The following KRT6B variants were observed in gnomAD, a reference collection of about 807,000 sequenced individuals.
The protein encoded by KRT6B is keratin 6B, also known as keratin, type II cytoskeletal 6B.
Under a neutral mutation model 44.7 loss-of-function variants are expected in KRT6B, and 29 were observed. The observed-to-expected ratio is 0.65, with a 90% CI of 0.48 to 0.88. The LOEUF (loss-of-function observed/expected upper bound fraction) is 0.88, where lower values mean the gene tolerates loss of function less well. KRT6B is among the 40% of genes least tolerant of loss of function. The pLI, the probability that KRT6B is intolerant of heterozygous loss-of-function variation, is 0.00. For missense variants in KRT6B, 600 were observed against 724.0 expected (o/e 0.83, Z 1.97); for synonymous variants, 213 against 296.0 (o/e 0.72, Z 2.88).
intron 7 of KRT6B, 95 bp downstream of exon 7, chr12:52,447,683 A>G (rs1401572979): frequency 6.8e-6 from 11 of 1,613,924 alleles, no homozygotes; most frequent in Admixed American, 3.3e-5. Flanking sequence ...AAGAAGAGCA[A>G]TTATGGCCTT....
chr12:52,451,542 G>A lies in KRT6B; in HGVS notation c.537C>T (p.Asp179=), dbSNP rs768367699. ...GGAGGGCATGGCACTGGCTCACCTTGTCGATGAAGGAGGCAAACTTGTTGT... is the reference window on the plus strand; with the variant it reads ...GGAGGGCATGGCACTGGCTCACCTTATCGATGAAGGAGGCAAACTTGTTGT... ...TLNNKFASFI[D]KVRFLEQQNK... Residue 179 remains aspartate, a synonymous_variant, in exon 1 of 9, where the codon GAC becomes GAT. Coordinates refer to ENST00000252252, the MANE Select transcript of KRT6B (RefSeq NM_005555.4). The A allele has an allele frequency of 9.3e-6, 15 of 1,613,740 alleles. No individual in the cohort carries two copies. The highest frequency in any genetic ancestry group is 1.3e-5 in the African/African-American group (1 of 74,904).
Position 52,447,271 on chromosome 12 carries a change from G to A in KRT6B, c.1614C>T (p.Gly538=), listed in dbSNP as rs920531074. The part of the protein sequence containing the change: ...SSSSGRATGG[G]LSSVGGGSST... ...AACTGCCGCCTCCAACAGAGCTGAG[G>A]CCACCCCCAGTGGCTCTGCCGCTGC... The change falls in exon 9 of 9, where the codon GGC becomes GGT. Residue 538 remains glycine, a synonymous_variant. Transcript: ENST00000252252. 22 of 1,613,904 alleles carry A rather than the reference G, an allele frequency of 1.4e-5. No individual in the cohort carries two copies. The Admixed American group carries it at 1.8e-4, about 13-fold the overall frequency.
chr12:52,448,383 T>C (rs1379605949), intron 6 of KRT6B, among the ~76,000 whole-genome samples: 1 of 152,256 alleles, frequency 6.6e-6, no homozygotes, highest in Non-Finnish European at 1.5e-5. Context: ...CACATGAGGC[T>C]GTTGTGACCT....
chr12:52,447,647 C>G, intron 7 of KRT6B, 74 bp from the exon 8 acceptor site: 2 of 1,613,910 alleles, frequency 1.2e-6, no homozygotes, highest in Non-Finnish European at 1.7e-6. Flanking sequence ...TGGGAAAGTC[C>G]ATGGGAAAAC....
chr12:52,449,971 T>C, intron 3 of KRT6B, 41 bp downstream of exon 3: 1 of 1,613,910 alleles, frequency 6.2e-7, no homozygotes, highest in East Asian at 2.2e-5. Flanking sequence ...GCCACTTCTC[T>C]CCTTCTAAAT....
intron 2 of KRT6B, 53 bp downstream of exon 2, chr12:52,450,353 C>T (rs1353072665): frequency 1.2e-5 from 19 of 1,591,924 alleles, no homozygotes; most frequent in African/African-American, 2.7e-5. Context: ...ACACATCTGG[C>T]CCTGGTCACC....
At chr12:52,451,218 T>G (rs1188204873) in intron 1 of KRT6B, among the ~76,000 whole-genome samples, 2 of 151,028 alleles carry the variant, frequency 1.3e-5, no homozygotes, top group Non-Finnish European at 2.9e-5. Flanking sequence ...GCCCATATAC[T>G]CCTGGCATTT....
rs377408881 is a variant in KRT6B, at chr12:52,447,983, C to T, written c.1219G>A (p.Ala407Thr). Residue 407 changes from alanine to threonine, a missense_variant, in exon 7 of 9, where the codon GCC (alanine) becomes ACC (threonine). Physicochemically the swap from Ala to Thr is moderately conservative, Grantham distance 58. Transcript: ENST00000252252. ...CGCTGCTCAGCATCAGCAATGGCGG[C>T]CTGTAGGTTGGCACACTAGGAGGGC... ...HVKKQCANLQ[A>T]AIADAEQRGE... 3.7e-5 allele frequency: 59 copies of T among 1,614,042 alleles called. No homozygotes were observed. The highest frequency in any genetic ancestry group is 4.9e-5 in the Non-Finnish European group (58 of 1,180,036).
At chr12:52,449,396 G>A (rs1256442029) in intron 5 of KRT6B, 73 bp downstream of exon 5, 79 of 1,606,062 alleles carry the variant, frequency 4.9e-5, no homozygotes, top group Non-Finnish European at 5.9e-5. Context: ...GATGTCCCCA[G>A]TGAAGTCTGC....
chr12:52,451,136 C>T (rs1466829678), intron 1 of KRT6B, among the ~76,000 whole-genome samples: 1 of 151,120 alleles, frequency 6.6e-6, no homozygotes, highest in Non-Finnish European at 1.5e-5. Flanking sequence ...TTTCTTAATC[C>T]AGCCAGATTA....
At chr12:52,450,118 T>A (rs759783072) in intron 2 of KRT6B, 46 bp from the exon 3 acceptor site, 41 of 1,613,796 alleles carry the variant, frequency 2.5e-5, no homozygotes, top group Admixed American at 6.7e-5. Context: ...GTGGGTAGGA[T>A]GAAACAGAAA....
chr12:52,447,838 T>C lies in KRT6B; in HGVS notation c.1364A>G (p.Lys455Arg). The C allele has an allele frequency of 6.2e-7, 1 of 1,614,174 alleles. No individual in the cohort carries two copies. Among genetic ancestry groups the C allele is most frequent in the Non-Finnish European group, 8.5e-7 (1 of 1,180,024 alleles). Residue 455 changes from lysine to arginine, a missense_variant, in exon 7 of 9, where the codon AAG becomes AGG. Physicochemically the swap from Lys to Arg is conservative, Grantham distance 26. Around this residue, in one of 4 missense-constraint regions of KRT6B, gnomAD observed 479 missense variants for 454.2 expected, o/e 1.05. Transcript: ENST00000252252. ...GGCGATCTCCACATCCAGGGCCAGC[T>C]TGACGTTCATCAGCTCCTGGTACTC... ...LKEYQELMNV[K>R]LALDVEIATY... is the part of the protein sequence containing the mutation.
At chr12:52,450,339 C>T (rs1473572376) in intron 2 of KRT6B, 67 bp downstream of exon 2, 9 of 1,566,612 alleles carry the variant, frequency 5.7e-6, no homozygotes, top group East Asian at 2.2e-5. Flanking sequence ...GTTAGGAATC[C>T]TACACACATC....
intron 1 of KRT6B, 100 bp downstream of exon 1, chr12:52,451,439 C>A: frequency 6.2e-7 from 1 of 1,609,742 alleles, no homozygotes; most frequent in Non-Finnish European, 8.5e-7. Context: ...TGGGCTGAGT[C>A]CCCTTCTCCC....
At chr12:52,448,759 A>G in intron 6 of KRT6B, 83 bp downstream of exon 6, 2 of 1,610,962 alleles carry the variant, frequency 1.2e-6, no homozygotes, top group Non-Finnish European at 8.5e-7. Flanking sequence ...TTCCCAAAGA[A>G]TTTTACTAAA....
rs202219327 is a variant in KRT6B at position 52,449,003 on chromosome 12, C to T, written c.1078-36G>A. On this transcript the variant is annotated intron_variant, in intron 5 of 8. Transcript: ENST00000252252. Reference sequence around the variant, plus strand: ...GAGGTGGAGAGAGAGACAGTGTCTACGGGTTCTTACCTGGGAGCGATGACT... The same window carrying T: ...GAGGTGGAGAGAGAGACAGTGTCTATGGGTTCTTACCTGGGAGCGATGACT... The T allele has an allele frequency of 3.7e-5, 60 of 1,607,036 alleles. No individual in the cohort carries two copies. In the Middle Eastern group the frequency reaches 4.9e-4, roughly 13 times the overall value.
In KRT6B at chr12:52,446,989, T is replaced by C; in HGVS notation, c.*201A>G. The stretch of plus-strand genomic sequence containing the variant: ...TAAAAAGGACATTCGCATGTCTGAG[T>C]GCTGATAACTGTTGACTTGATGGTA... On this transcript the variant is annotated 3_prime_UTR_variant, in exon 9 of 9. Transcript: ENST00000252252. 2 of 633,340 alleles carry C rather than the reference T, an allele frequency of 3.2e-6. No individual in the cohort carries two copies. The highest frequency in any genetic ancestry group is 5.5e-6 in the Non-Finnish European group (2 of 363,476). 39.2% of individuals were successfully genotyped at this position (633,340 alleles called of 1,614,324 possible).
chr12:52,451,640 G>A lies in KRT6B; in HGVS notation c.439C>T (p.Pro147Ser), dbSNP rs748401975. ...GCGGGGTCAATTTGCAGGTTGAGGG[G>A]AGTCAGGAGACTCTGGTTGACAGTG... is the stretch of plus-strand genomic sequence containing the variant. ...EVTVNQSLLT[P>S]LNLQIDPAIQ... Residue 147 changes from proline (P) to serine (S), a missense_variant, in exon 1 of 9, where the codon CCC becomes TCC. Around this residue, in one of 4 missense-constraint regions of KRT6B, gnomAD observed 31 missense variants for 79.0 expected, o/e 0.39. Transcript: ENST00000252252. 1.7e-5 allele frequency: 28 copies of A among 1,613,064 alleles called. No homozygotes were observed. The highest frequency in any genetic ancestry group is 1.2e-4 in the Admixed American group (7 of 60,020).
chr12:52,449,973 C>T (rs550390890), intron 3 of KRT6B, 39 bp downstream of exon 3: 423 of 1,613,878 alleles, frequency 2.6e-4, no homozygotes, highest in Non-Finnish European at 3.4e-4. Flanking sequence ...CACTTCTCTC[C>T]TTCTAAATGA....
Sources: allele counts gnomAD v4.1 joint callset (sites outside exome capture counted in the v4.1 genomes callset), GRCh38; gene constraint gnomAD v4.1.1; regional missense constraint gnomAD v4.1.1; transcripts MANE v1.5; gene names NCBI Gene and HGNC (gene_info 2026-07-23, HGNC 2026-07-21).